PCGF6: variants seen among roughly 807,000 people sequenced by gnomAD.
PCGF6 encodes the protein polycomb group ring finger 6, also known as polycomb group RING finger protein 6.
In PCGF6, 24 loss-of-function variants were observed where a neutral mutation model predicts 45.5. The observed-to-expected ratio is 0.53, with a 90% CI of 0.38 to 0.74. The LOEUF is 0.74. Among genes scored for constraint, PCGF6 ranks in the 30% least tolerant of loss-of-function variants. The pLI is 0.00. For missense variants in PCGF6, 356 were observed against 443.2 expected (o/e 0.80, Z 1.77); for synonymous variants, 152 against 162.1 (o/e 0.94, Z 0.47).
chr10:103,348,490 C>T (rs2133602413), intron 3 of PCGF6: 1 of 324,092 alleles, frequency 3.1e-6, no homozygotes, highest in East Asian at 6.1e-5. Flanking sequence ...GCATGTGCCG[C>T]CACTCCTGGC....
intron 8 of PCGF6, among the ~76,000 whole-genome samples, chr10:103,323,391 G>T (rs946125495): frequency 5.9e-5 from 9 of 151,972 alleles, no homozygotes; most frequent in Non-Finnish European, 1.3e-4. Context: ...CCGCCTCCTG[G>T]GTTCAAGTGA....
At chr10:103,329,570 C>A (rs1258207183) in intron 7 of PCGF6, among the ~76,000 whole-genome samples, 1 of 150,264 alleles carries the variant, frequency 6.7e-6, no homozygotes, top group African/African-American at 2.5e-5. Flanking sequence ...CTCTGCCTCC[C>A]GAGTTCAAGC....
intron 9 of PCGF6, among the ~76,000 whole-genome samples, chr10:103,310,797 G>A (rs1010412842): frequency 6.6e-6 from 1 of 152,062 alleles, no homozygotes; most frequent in Non-Finnish European, 1.5e-5. Context: ...AACCTCTCGG[G>A]TCAATCAATC....
intron 6 of PCGF6, among the ~76,000 whole-genome samples, chr10:103,344,522 C>A (rs1419153653): frequency 1.3e-5 from 2 of 152,012 alleles, no homozygotes; most frequent in Non-Finnish European, 2.9e-5. Context: ...CCCACCTCAG[C>A]CTCCCAAAGT....
chr10:103,351,113 A>G lies in PCGF6; in HGVS notation c.-47T>C, dbSNP rs761742573. 2.2e-6 allele frequency: 3 copies of G among 1,338,280 alleles called. No individual in the cohort carries two copies. Among genetic ancestry groups the G allele is most frequent in the Non-Finnish European group, 2.9e-6 (3 of 1,044,654 alleles). The allele number at this position is 1,338,280 out of a possible 1,614,324, so 82.9% of individuals were successfully genotyped here. The stretch of plus-strand genomic sequence containing the variant: ...AGGCGAGGCGGCGGGAGAGCGCGGG[A>G]GTTCGGCCGGCCTCGGACGCCACCA... On this transcript the variant is annotated 5_prime_UTR_variant, in exon 1 of 10. Transcript: ENST00000369847.
At chr10:103,340,349 A>T (rs2093276401) in intron 6 of PCGF6, among the ~76,000 whole-genome samples, 1 of 151,722 alleles carries the variant, frequency 6.6e-6, no homozygotes. Context: ...CTACAGCAGG[A>T]AATGCATTAA....
chr10:103,312,220 C>T (rs984184540), intron 9 of PCGF6, among the ~76,000 whole-genome samples: 1 of 151,694 alleles, frequency 6.6e-6, no homozygotes, highest in Non-Finnish European at 1.5e-5. Context: ...AGTGAAACCC[C>T]GTCTCTATTA....
chr10:103,345,776 C>T (rs562962918), intron 5 of PCGF6, among the ~76,000 whole-genome samples: 2 of 151,348 alleles, frequency 1.3e-5, no homozygotes, highest in South Asian at 2.1e-4. Context: ...TGCAGTGAGC[C>T]GAGATCATGC....
chr10:103,312,186 G>A (rs2093159762), intron 9 of PCGF6, among the ~76,000 whole-genome samples: 1 of 151,082 alleles, frequency 6.6e-6, no homozygotes, highest in Non-Finnish European at 1.5e-5. Flanking sequence ...GAGGTCAGGA[G>A]ATCGAGACCA....
intron 6 of PCGF6, among the ~76,000 whole-genome samples, chr10:103,342,376 G>A (rs914767025): frequency 2.0e-5 from 3 of 152,066 alleles, no homozygotes; most frequent in Non-Finnish European, 4.4e-5. Context: ...TGGGACTACA[G>A]GCACCTGCCA....
At chr10:103,343,900 A>G (rs2093290280) in intron 6 of PCGF6, among the ~76,000 whole-genome samples, 1 of 148,650 alleles carries the variant, frequency 6.7e-6, no homozygotes, top group Non-Finnish European at 1.5e-5. Flanking sequence ...GAAGAGGAAC[A>G]TACCCTAAGA....
intron 9 of PCGF6, among the ~76,000 whole-genome samples, chr10:103,304,803 G>A (rs113278560): frequency 4.6e-5 from 7 of 152,036 alleles, no homozygotes; most frequent in Non-Finnish European, 8.8e-5. Flanking sequence ...AAATAGACAC[G>A]CACCACCACC....
chr10:103,349,573 C>G (rs1592080926), intron 1 of PCGF6, among the ~76,000 whole-genome samples: 1 of 143,560 alleles, frequency 7.0e-6, no homozygotes, highest in Non-Finnish European at 1.5e-5. Context: ...CTCCGCCTCC[C>G]AGATTCAAGT....
intron 9 of PCGF6, among the ~76,000 whole-genome samples, chr10:103,313,676 C>T (rs767260792): frequency 7.2e-5 from 11 of 152,138 alleles, no homozygotes; most frequent in Non-Finnish European, 1.3e-4. Flanking sequence ...GGGCCCCATT[C>T]GCAGCTATCC....
chr10:103,316,045 T>G (rs1488863002), intron 8 of PCGF6, among the ~76,000 whole-genome samples: 24 of 140,316 alleles, frequency 1.7e-4, no homozygotes, highest in East Asian at 8.0e-4. Context: ...GAGAGAGAGA[T>G]ATCTCACTTA....
At chr10:103,304,946 A>G (rs1012908554) in intron 9 of PCGF6, among the ~76,000 whole-genome samples, 1 of 151,808 alleles carries the variant, frequency 6.6e-6, no homozygotes, top group African/African-American at 2.4e-5. Context: ...CAGCTTGTCA[A>G]TGTGTCTTTT....
Position 103,350,691 on chromosome 10 carries a change from CG to C in PCGF6, c.360+15del. The C allele has an allele frequency of 1.4e-6, 2 of 1,467,064 alleles. No homozygotes were observed. Among genetic ancestry groups the C allele is most frequent in the Non-Finnish European group, 1.8e-6 (2 of 1,103,248 alleles). 90.9% of individuals were successfully genotyped at this position (1,467,064 alleles called of 1,614,324 possible). On this transcript the variant is annotated intron_variant, in intron 1 of 9. Coordinates refer to ENST00000369847, the MANE Select transcript of PCGF6 (RefSeq NM_001011663.2). ...GCCGCTTGGGCCCAGCGGGGTCGCGCGGGGGCTCTAAATACCTCCTCCTCGT... is the reference window on the plus strand; with the variant it reads ...GCCGCTTGGGCCCAGCGGGGTCGCGCGGGGCTCTAAATACCTCCTCCTCGT...
At chr10:103,324,825 T>G (rs564611410) in intron 8 of PCGF6, among the ~76,000 whole-genome samples, 1 of 148,548 alleles carries the variant, frequency 6.7e-6, no homozygotes, top group South Asian at 2.1e-4. Flanking sequence ...GAGATCTCTT[T>G]TAATCCATAA....
chr10:103,307,978 G>A (rs1404899347), intron 9 of PCGF6, among the ~76,000 whole-genome samples: 1 of 152,180 alleles, frequency 6.6e-6, no homozygotes, highest in Non-Finnish European at 1.5e-5. Context: ...GCTCACGCCT[G>A]GAATCCCAGC....
Sources: gnomAD v4.1 joint callset for allele counts (sites outside exome capture counted in the v4.1 genomes callset) on GRCh38, gnomAD v4.1.1 for gene constraint, MANE v1.5 for transcripts, NCBI Gene and HGNC (gene_info 2026-07-23, HGNC 2026-07-21) for gene names.